The following NAALADL2 variants were observed in gnomAD, a reference collection of about 807,000 sequenced individuals.
NAALADL2 encodes the protein inactive N-acetylated-alpha-linked acidic dipeptidase-like protein 2.
Under a neutral mutation model 87.2 loss-of-function variants are expected in NAALADL2, and 76 were observed. The ratio of observed to expected loss-of-function variants is 0.87; its 90% CI spans 0.72 to 1.05. The LOEUF is 1.05. Ranked by LOEUF, NAALADL2 falls within the 50% of genes least tolerant of loss-of-function variation. The pLI is 0.00. For synonymous variants in NAALADL2, 354 were observed against 331.0 expected (o/e 1.07, Z -0.75); for missense variants, 1,089 against 945.8 (o/e 1.15, Z -1.99).
At chr3:174,511,058 TTTGTA>T (rs1029105647) in intron 1 of NAALADL2, among the ~76,000 whole-genome samples, 55 of 152,160 alleles carry the variant, frequency 3.6e-4, no homozygotes, top group African/African-American at 1.3e-3. Context: ...AAAAACATAC[TTTGTA>T]TAATTTTAAT....
intron 2 of NAALADL2, among the ~76,000 whole-genome samples, chr3:175,137,414 A>T (rs1560077606): frequency 2.0e-5 from 3 of 152,072 alleles, no homozygotes; most frequent in Non-Finnish European, 4.4e-5. Context: ...TAATGGCTGC[A>T]TGCTATACTA....
At chr3:175,272,052 C>G (rs1162871783) in intron 4 of NAALADL2, among the ~76,000 whole-genome samples, 1 of 152,034 alleles carries the variant, frequency 6.6e-6, no homozygotes, top group Non-Finnish European at 1.5e-5. Flanking sequence ...ATCACGTTAG[C>G]CCCTGGTAAG....
At position 174,702,806 on chromosome 3, in the gene NAALADL2, A is replaced by G. The variant is rs117461992; in HGVS notation, c.-114-34835A>G. ...GTATATGTGGTCCATCATTTACCAA[A>G]ACATCGTTATGCAGTGCATAACTGT... is the stretch of plus-strand genomic sequence containing the variant. On this transcript the variant is annotated intron_variant, in intron 2 of 3. Coordinates refer to the NAALADL2 transcript ENST00000434257. Among the ~76,000 whole-genome samples, 4 of 152,340 alleles carry G rather than the reference A, an allele frequency of 2.6e-5. No homozygotes were observed. In the East Asian group the frequency reaches 7.7e-4, roughly 29 times the overall value.
At chr3:174,553,699 C>A (rs758727005) in intron 2 of NAALADL2, among the ~76,000 whole-genome samples, 10 of 151,998 alleles carry the variant, frequency 6.6e-5, no homozygotes, top group Non-Finnish European at 1.3e-4. Context: ...TCAAGTAGCA[C>A]ATTAAGAAGA....
At chr3:174,668,046 T>C (rs1221289969) in intron 2 of NAALADL2, among the ~76,000 whole-genome samples, 1 of 152,142 alleles carries the variant, frequency 6.6e-6, no homozygotes. Flanking sequence ...TTCTTATTTT[T>C]GCAGTGGTTA....
chr3:175,221,126 G>A (rs34654030), intron 2 of NAALADL2, among the ~76,000 whole-genome samples: 20,227 of 151,182 alleles, frequency 0.13, 1,628 homozygotes, highest in East Asian at 0.29. Flanking sequence ...TTGAACCCAG[G>A]AGGCAGAGGT....
chr3:174,970,670 T>G (rs1047587031), intron 1 of NAALADL2, among the ~76,000 whole-genome samples: 5 of 152,202 alleles, frequency 3.3e-5, no homozygotes, highest in African/African-American at 7.2e-5. Context: ...TGTAATATGT[T>G]GTTCTTCAAT....
chr3:174,833,945 A>G (rs577398896), intron 3 of NAALADL2, among the ~76,000 whole-genome samples: 73 of 151,164 alleles, frequency 4.8e-4, no homozygotes, highest in Admixed American at 9.2e-4. Flanking sequence ...AGTAAACATC[A>G]TACCTAAGGG....
chr3:174,755,099 C>G (rs542905534), intron 3 of NAALADL2, among the ~76,000 whole-genome samples: 2 of 152,222 alleles, frequency 1.3e-5, no homozygotes, highest in African/African-American at 4.8e-5. Context: ...AGGCGGTTTC[C>G]CTCATGCTGT....
chr3:175,065,713 G>A (rs74339916), intron 1 of NAALADL2, among the ~76,000 whole-genome samples: 3,401 of 152,136 alleles, frequency 0.022, 123 homozygotes, highest in African/African-American at 0.079. Flanking sequence ...CAAAGGTCAT[G>A]GAGAAAAAAA....
In NAALADL2 at chr3:175,097,194, T is replaced by C. The variant is rs1476806594; in HGVS notation, c.448T>C (p.Cys150Arg). The change falls in exon 2 of 14, where the codon TGC (cysteine) becomes CGC (arginine). Residue 150 changes from cysteine (C) to arginine (R), a missense_variant. Coordinates refer to ENST00000454872, the MANE Select transcript of NAALADL2 (RefSeq NM_207015.3). The part of the protein sequence containing the change: ...ILIGYYVHTN[C>R]PSDAPSSGTV... ...GATAGGTTATTATGTACATACAAAT[T>C]GCCCTTCAGATGCTCCATCTTCAGG... 3 of 1,613,564 alleles carry C rather than the reference T, an allele frequency of 1.9e-6. No homozygotes were observed. Among genetic ancestry groups the C allele is most frequent in the Non-Finnish European group, 1.7e-6 (2 of 1,179,502 alleles).
intron 4 of NAALADL2, among the ~76,000 whole-genome samples, chr3:175,276,048 G>T: frequency 6.7e-6 from 1 of 150,252 alleles, no homozygotes; most frequent in African/African-American, 2.4e-5. Context: ...TGAAAAAATG[G>T]CCTTATTTTT....
At chr3:175,255,298 A>G (rs543153958) in intron 3 of NAALADL2, among the ~76,000 whole-genome samples, 2 of 152,324 alleles carry the variant, frequency 1.3e-5, no homozygotes, top group Non-Finnish European at 2.9e-5. Context: ...TCTTGGAGGT[A>G]TTCATATGTT....
intron 11 of NAALADL2, among the ~76,000 whole-genome samples, chr3:175,656,674 G>C (rs909401667): frequency 1.3e-5 from 2 of 151,974 alleles, no homozygotes; most frequent in African/African-American, 4.8e-5. Flanking sequence ...TTCCTCAAAG[G>C]TGTGCAGAGG....
intron 2 of NAALADL2, among the ~76,000 whole-genome samples, chr3:174,713,489 T>C (rs1266119930): frequency 6.6e-6 from 1 of 152,156 alleles, no homozygotes; most frequent in Non-Finnish European, 1.5e-5. Context: ...TTTTAATGAC[T>C]GCCATTCTAA....
chr3:175,704,406 CCTTTT>C (rs1489713030), intron 11 of NAALADL2, among the ~76,000 whole-genome samples: 1 of 152,134 alleles, frequency 6.6e-6, no homozygotes, highest in Non-Finnish European at 1.5e-5. Flanking sequence ...TGCACAAACC[CCTTTT>C]CTTAGAGCCA....
At chr3:175,720,693 G>T (rs1263292500) in intron 11 of NAALADL2, among the ~76,000 whole-genome samples, 1 of 151,832 alleles carries the variant, frequency 6.6e-6, no homozygotes, top group Admixed American at 6.6e-5. Context: ...GTAAAAGAAA[G>T]GTTGCCTAAG....
chr3:175,742,393 T>TTTTG (rs761680199), intron 12 of NAALADL2, among the ~76,000 whole-genome samples: 2 of 152,064 alleles, frequency 1.3e-5, no homozygotes, highest in East Asian at 1.9e-4. Flanking sequence ...TGTTTGTTTG[T>TTTTG]TTTGTTTGTT....
intron 1 of NAALADL2, among the ~76,000 whole-genome samples, chr3:174,966,620 CAG>C (rs1276478686): frequency 6.6e-6 from 1 of 151,948 alleles, no homozygotes. Context: ...ATGGCGGTAA[CAG>C]AGAATAGGAA....
Sources: allele counts gnomAD v4.1 joint callset (sites outside exome capture counted in the v4.1 genomes callset), GRCh38; gene constraint gnomAD v4.1.1; transcripts MANE v1.5; gene names NCBI Gene and HGNC (gene_info 2026-07-23, HGNC 2026-07-21).